Variants in ZNF585B observed in about 807,000 individuals in gnomAD.
ZNF585B encodes the protein zinc finger protein 41-like protein.
A neutral mutation model predicts 14.0 loss-of-function variants in ZNF585B; 7 were observed. The observed-to-expected ratio is 0.50, with a 90% CI of 0.28 to 0.94. The LOEUF is 0.94. Ranked by LOEUF, ZNF585B falls within the 40% of genes least tolerant of loss-of-function variation. ZNF585B has a pLI of 0.09. For missense variants in ZNF585B, 750 were observed against 924.4 expected (o/e 0.81, Z 2.45); for synonymous variants, 290 against 317.3 (o/e 0.91, Z 0.91).
chr19:37,186,344 G>A lies in ZNF585B; in HGVS notation c.1193C>T (p.Thr398Ile). Residue 398 changes from threonine (T) to isoleucine (I), a missense_variant, in exon 5 of 5, where the codon ACA (threonine) becomes ATA (isoleucine). By Grantham distance (89) the Thr-to-Ile change is moderately conservative. Coordinates refer to ENST00000532828, the MANE Select transcript of ZNF585B (RefSeq NM_152279.4). ...TCCTGTATGAATTCTCTGATGCACT[G>A]TGAGTGCTGACTTCTGAGTGAAGGC... ...GRAFTQKSAL[T>I]VHQRIHTGEK... 1.2e-6 allele frequency: 2 copies of A among 1,613,940 alleles called. No individual in the cohort carries two copies. Among genetic ancestry groups the A allele is most frequent in the Non-Finnish European group, 1.7e-6 (2 of 1,179,982 alleles).
At chr19:37,201,795 GATTTTTAAATGT>G (rs1479830167) in intron 2 of ZNF585B, among the ~76,000 whole-genome samples, 1 of 152,066 alleles carries the variant, frequency 6.6e-6, no homozygotes, top group Non-Finnish European at 1.5e-5. Flanking sequence ...TTTTTTTCTA[GATTTTTAAATGT>G]AATTGCATAA....
intron 2 of ZNF585B, among the ~76,000 whole-genome samples, chr19:37,197,075 C>T (rs917528766): frequency 3.9e-5 from 6 of 152,134 alleles, no homozygotes; most frequent in Admixed American, 3.9e-4. Context: ...TGGTGTGCTG[C>T]ACCCATCAAC....
In ZNF585B at chr19:37,186,421, A is replaced by G; in HGVS notation, c.1116T>C (p.His372=). The G allele has an allele frequency of 6.2e-7, 1 of 1,614,194 alleles. No homozygotes were observed. Among genetic ancestry groups the G allele is most frequent in the African/African-American group, 1.3e-5 (1 of 75,052 alleles). The change falls in exon 5 of 5, where the codon CAT becomes CAC. Residue 372 remains histidine, a synonymous_variant. Coordinates refer to ENST00000532828, the MANE Select transcript of ZNF585B (RefSeq NM_152279.4). ...AFTYRSELII[H]QRIHTGEKPY... is the part of the protein sequence containing the mutation. ...GTTTCTCTCCAGTGTGAATTCTCTGATGAATAATCAACTCTGACCTGTAGG... is the reference window on the plus strand; with the variant it reads ...GTTTCTCTCCAGTGTGAATTCTCTGGTGAATAATCAACTCTGACCTGTAGG...
intron 2 of ZNF585B, among the ~76,000 whole-genome samples, chr19:37,199,937 G>A (rs1452822941): frequency 2.6e-5 from 4 of 151,882 alleles, no homozygotes; most frequent in African/African-American, 7.3e-5. Context: ...CAGCTACTAG[G>A]GAGTCTGAGG....
intron 2 of ZNF585B, among the ~76,000 whole-genome samples, chr19:37,205,616 G>A (rs768398189): frequency 2.6e-5 from 4 of 152,174 alleles, no homozygotes; most frequent in Admixed American, 6.5e-5. Flanking sequence ...ACAGGTAGAT[G>A]GAAGGCAGAG....
rs897824313 is a variant in ZNF585B at position 37,181,606 on chromosome 19, A to G, written c.*3621T>C. 1.4e-4 allele frequency: 21 copies of G among 152,114 alleles called. No individual in the cohort carries two copies. The highest frequency in any genetic ancestry group is 4.1e-4 in the African/African-American group (17 of 41,410). The allele number at this position is 152,114 out of a possible 1,614,324, so 9.4% of individuals were successfully genotyped here. On this transcript the variant is annotated 3_prime_UTR_variant, in exon 5 of 5. Transcript: ENST00000532828. ...TTTATAGCATCTTTATTCATAATCA[A>G]CAAAACTTGGAAGCAATTAAGGTGT...
chr19:37,206,410 C>T (rs888410051), intron 2 of ZNF585B, among the ~76,000 whole-genome samples: 4 of 150,444 alleles, frequency 2.7e-5, no homozygotes, highest in Non-Finnish European at 4.4e-5. Flanking sequence ...GAGATCATGC[C>T]ATTGTACTCC....
chr19:37,185,383 G>C lies in ZNF585B; in HGVS notation c.2154C>G (p.Tyr718Ter). 1 of 1,613,428 alleles carries C rather than the reference G, an allele frequency of 6.2e-7. No homozygotes were observed. Residue 718 changes from tyrosine to a stop codon, truncating the protein, a stop_gained, in exon 5 of 5, where the codon TAC (tyrosine) becomes TAG (stop). Coordinates refer to ENST00000532828, the MANE Select transcript of ZNF585B (RefSeq NM_152279.4). LOFTEE classifies it low-confidence loss of function (END_TRUNC). ...HQRIHTGEKP[Y>*]VCAECGKAFS... is the part of the protein sequence containing the mutation. ...AGGCCTTCCCACACTCAGCACACAC[G>C]TAAGGCTTCTCTCCAGTGTGAATTC...
chr19:37,203,698 G>T (rs555923457), intron 2 of ZNF585B, among the ~76,000 whole-genome samples: 1 of 151,980 alleles, frequency 6.6e-6, no homozygotes, highest in East Asian at 1.9e-4. Context: ...GTGTAATCTC[G>T]GCTCACCGAA....
At position 37,186,888 on chromosome 19, in the gene ZNF585B, T is replaced by G. The variant is rs761957504; in HGVS notation, c.649A>C (p.Ser217Arg). The part of the protein sequence containing the change: ...IHTGEKLYEC[S>R]ECGKGFPYNS... ...TAAGGGAAACCTTTCCCACATTCAC[T>G]ACATTCATATAGTTTTTCTCCGGTA... Residue 217 changes from serine to arginine, a missense_variant, in exon 5 of 5, where the codon AGT becomes CGT. Ser to Arg is a moderately radical substitution (Grantham distance 110, BLOSUM62 -1). Around this residue, in one of 2 missense-constraint regions of ZNF585B, gnomAD observed 517 missense variants for 570.3 expected, o/e 0.91. Coordinates refer to ENST00000532828, the MANE Select transcript of ZNF585B (RefSeq NM_152279.4). 1.1e-5 allele frequency: 18 copies of G among 1,613,874 alleles called. No individual in the cohort carries two copies. Among genetic ancestry groups the G allele is most frequent in the Non-Finnish European group, 1.5e-5 (18 of 1,179,968 alleles).
chr19:37,183,294 A>G lies in ZNF585B; in HGVS notation c.*1933T>C, dbSNP rs573172108. 3.8e-4 allele frequency: 58 copies of G among 152,336 alleles called. No individual in the cohort carries two copies. Among genetic ancestry groups the G allele is most frequent in the African/African-American group, 1.3e-3 (55 of 41,552 alleles). The allele number at this position is 152,336 out of a possible 1,614,324, so 9.4% of individuals were successfully genotyped here. ...GAAAAAGCCTGGTGTGTTTTAGCCA[A>G]GTTGGTTCTCCCTATTAGCGCTTCT... On this transcript the variant is annotated 3_prime_UTR_variant, in exon 5 of 5. Coordinates refer to ENST00000532828, the MANE Select transcript of ZNF585B (RefSeq NM_152279.4).
intron 2 of ZNF585B, among the ~76,000 whole-genome samples, chr19:37,192,261 T>C (rs1237060492): frequency 2.0e-5 from 3 of 152,128 alleles, no homozygotes; most frequent in Non-Finnish European, 4.4e-5. Context: ...TGCTGAAAAG[T>C]AGATCTCTAT....
At chr19:37,198,659 C>T (rs1972496610) in intron 2 of ZNF585B, among the ~76,000 whole-genome samples, 1 of 151,060 alleles carries the variant, frequency 6.6e-6, no homozygotes, top group Non-Finnish European at 1.5e-5. Context: ...TCTCTTCAAC[C>T]CAGGAGGCAG....
Position 37,186,099 on chromosome 19 carries a change from T to C in ZNF585B, c.1438A>G (p.Asn480Asp), listed in dbSNP as rs1972330064. 1 of 1,614,066 alleles carries C rather than the reference T, an allele frequency of 6.2e-7. No homozygotes were observed. Residue 480 changes from asparagine (N) to aspartate (D), a missense_variant, in exon 5 of 5, where the codon AAT (asparagine) becomes GAT (aspartate). By Grantham distance (23) the Asn-to-Asp change is conservative (BLOSUM62 1). Around this residue, in one of 2 missense-constraint regions of ZNF585B, gnomAD observed 233 missense variants for 354.1 expected, o/e 0.66. Transcript: ENST00000532828. Reference protein sequence around the residue: ...KCGKAFTNRSNLITHQKTHTG... With the variant: ...KCGKAFTNRSDLITHQKTHTG... ...TGAGTTTTCTGATGTGTAATGAGAT[T>C]TGACCGGTTGGTGAATGCCTTCCCA...
At chr19:37,197,347 A>C (rs574116170) in intron 2 of ZNF585B, among the ~76,000 whole-genome samples, 55 of 152,260 alleles carry the variant, frequency 3.6e-4, no homozygotes, top group Non-Finnish European at 7.2e-4. Context: ...TCCATGGTGT[A>C]TATGTGCCAC....
At chr19:37,199,036 G>T (rs1168192505) in intron 2 of ZNF585B, 3 of 1,524,358 alleles carry the variant, frequency 2.0e-6, no homozygotes, top group Non-Finnish European at 2.6e-6. Context: ...TCATTTCTTT[G>T]AAAATGGTAC....
intron 2 of ZNF585B, among the ~76,000 whole-genome samples, chr19:37,206,149 T>TA (rs944297195): frequency 6.7e-6 from 1 of 150,168 alleles, no homozygotes; most frequent in Non-Finnish European, 1.5e-5. Flanking sequence ...GGGATGGCAA[T>TA]AAAAAAAAAT....
At chr19:37,192,565 C>G (rs924022943) in intron 2 of ZNF585B, among the ~76,000 whole-genome samples, 2 of 148,604 alleles carry the variant, frequency 1.3e-5, no homozygotes, top group Non-Finnish European at 1.5e-5. Flanking sequence ...AATCCCAGCA[C>G]TTTGGGAGGC....
intron 2 of ZNF585B, among the ~76,000 whole-genome samples, chr19:37,192,388 TGG>T (rs1219962361): frequency 2.0e-5 from 3 of 151,632 alleles, no homozygotes; most frequent in African/African-American, 7.3e-5. Context: ...ATACAAAGTA[TGG>T]GGTAAGGGGG....
Sources: gnomAD v4.1 joint callset for allele counts (sites outside exome capture counted in the v4.1 genomes callset) on GRCh38, gnomAD v4.1.1 for gene constraint, gnomAD v4.1.1 regional missense constraint, MANE v1.5 for transcripts, NCBI Gene and HGNC (gene_info 2026-07-23, HGNC 2026-07-21) for gene names.